Variants in ATP6V1E1 observed in about 807,000 individuals in gnomAD.
The protein encoded by ATP6V1E1 is V-type proton ATPase subunit E 1.
A neutral mutation model predicts 35.2 loss-of-function variants in ATP6V1E1; 21 were observed. The ratio of observed to expected loss-of-function variants is 0.60; its 90% CI spans 0.42 to 0.86. The LOEUF (loss-of-function observed/expected upper bound fraction) is 0.86. ATP6V1E1 is among the 40% of genes least tolerant of loss of function. The probability of loss-of-function intolerance (pLI) is 0.00; values close to 1 mark genes in which losing one functional copy is unlikely to be tolerated. For synonymous variants in ATP6V1E1, 83 were observed against 87.8 expected, an observed-to-expected ratio of 0.95 and a Z score of 0.30; for missense variants, 183 against 272.6, an observed-to-expected ratio of 0.67 and a Z score of 2.32.
At chr22:17,604,953 C>T (rs906811223) in intron 4 of ATP6V1E1, among the ~76,000 whole-genome samples, 6 of 152,050 alleles carry the variant, frequency 3.9e-5, no homozygotes, top group African/African-American at 1.4e-4. Context: ...CGGTTGCTCA[C>T]GCCTGTAATC....
At chr22:17,618,089 C>T (rs1359179364) in intron 2 of ATP6V1E1, among the ~76,000 whole-genome samples, 4 of 152,138 alleles carry the variant, frequency 2.6e-5, no homozygotes, top group South Asian at 2.1e-4. Flanking sequence ...GGATTACAGG[C>T]GTGAGCCACC....
intron 2 of ATP6V1E1, among the ~76,000 whole-genome samples, chr22:17,617,101 A>G (rs1397700015): frequency 6.6e-6 from 1 of 152,146 alleles, no homozygotes; most frequent in Non-Finnish European, 1.5e-5. Flanking sequence ...AAACAATATT[A>G]AGCAATATCC....
chr22:17,600,374 T>C (rs1465487042), intron 5 of ATP6V1E1, among the ~76,000 whole-genome samples: 2 of 151,814 alleles, frequency 1.3e-5, no homozygotes, highest in Non-Finnish European at 1.5e-5. Flanking sequence ...GAGACGGAGG[T>C]TGAAGTAAAC....
At chr22:17,621,765 T>C (rs1364212420) in intron 1 of ATP6V1E1, among the ~76,000 whole-genome samples, 9 of 152,172 alleles carry the variant, frequency 5.9e-5, no homozygotes, top group Non-Finnish European at 1.5e-5. Context: ...CATTCTTCCT[T>C]CTAACTTTTT....
At position 17,592,920 on chromosome 22, in the gene ATP6V1E1, T is replaced by C. The variant is rs144179905; in HGVS notation, c.619-184A>G. Among the ~76,000 whole-genome samples the C allele has an allele frequency of 0.052, 7,856 of 151,706 alleles. 678 individuals carry two copies. Among genetic ancestry groups the C allele is most frequent in the African/African-American group, 0.18 (7,459 of 41,294 alleles). Reference sequence around the variant, plus strand: ...CTCCTGCCTCAGCCTCCCAAGTAGATGGGACTACAGGTGCTTGCCACCATG... The same window carrying C: ...CTCCTGCCTCAGCCTCCCAAGTAGACGGGACTACAGGTGCTTGCCACCATG... On this transcript the variant is annotated intron_variant, in intron 8 of 8. Transcript: ENST00000253413.
chr22:17,596,811 GAAAC>G lies in ATP6V1E1; in HGVS notation c.530+1379_530+1382del, dbSNP rs993248450. 3.4e-4 allele frequency among the ~76,000 whole-genome samples: 51 copies of G among 151,814 alleles called. 1 individual carries two copies. The highest frequency in any genetic ancestry group is 1.1e-3 in the African/African-American group (47 of 41,248). On this transcript the variant is annotated intron_variant, in intron 7 of 8. Transcript: ENST00000253413. ...TCTCATCTTTTTTTCTTCACTGCAT[GAAAC>G]AAAAAAGCAAAAAGCAATGATCCTA...
At position 17,600,112 on chromosome 22, in the gene ATP6V1E1, A is replaced by G; in HGVS notation, c.367-17T>C. 4 of 1,607,882 alleles carry G rather than the reference A, an allele frequency of 2.5e-6. No individual in the cohort carries two copies. The highest frequency in any genetic ancestry group is 1.1e-5 in the South Asian group (1 of 90,930). The stretch of plus-strand genomic sequence containing the variant: ...GTACAAACCCTGGAAGAAATAGTAG[A>G]TACAGTCAGTAGAAAATGCAAACTA... On this transcript the variant is annotated splice_polypyrimidine_tract_variant and intron_variant, in intron 5 of 8. Coordinates refer to ENST00000253413, the MANE Select transcript of ATP6V1E1 (RefSeq NM_001696.4).
chr22:17,598,170 G>A, intron 7 of ATP6V1E1, 24 bp downstream of exon 7: 1 of 1,571,430 alleles, frequency 6.4e-7, no homozygotes, highest in South Asian at 1.1e-5. Flanking sequence ...GAAGGTAGCT[G>A]TTAGCAGCAG....
chr22:17,613,335 G>T lies in ATP6V1E1; in HGVS notation c.100-15C>A. On this transcript the variant is annotated splice_polypyrimidine_tract_variant and intron_variant, in intron 2 of 8. Transcript: ENST00000253413. ...TCTTCTTCTGCCTAGAGGGAAATTA[G>T]TCAATATTAATTCATTACATCAAGT... The T allele has an allele frequency of 1.2e-6, 2 of 1,600,460 alleles. No homozygotes were observed. The highest frequency in any genetic ancestry group is 1.7e-6 in the Non-Finnish European group (2 of 1,168,108).
At chr22:17,600,208 G>T in intron 5 of ATP6V1E1, 113 bp from the exon 6 acceptor site, 1 of 912,072 alleles carries the variant, frequency 1.1e-6, no homozygotes, top group Non-Finnish European at 1.7e-6. Flanking sequence ...GCCAAGGCGG[G>T]CGGATTGCCT....
Position 17,613,974 on chromosome 22 carries a change from A to T in ATP6V1E1, c.100-654T>A, listed in dbSNP as rs549701332. Among the ~76,000 whole-genome samples the T allele has an allele frequency of 6.0e-5, 9 of 151,246 alleles. No homozygotes were observed. In the South Asian group the frequency reaches 1.5e-3, roughly 25 times the overall value. On this transcript the variant is annotated intron_variant, in intron 2 of 8. Coordinates refer to ENST00000253413, the MANE Select transcript of ATP6V1E1 (RefSeq NM_001696.4). Reference sequence around the variant, plus strand: ...AGAGCAGAACTCTGTCTCAAAAAAAAACAAAGATCCAGATTACTGCCCATA... The same window carrying T: ...AGAGCAGAACTCTGTCTCAAAAAAATACAAAGATCCAGATTACTGCCCATA...
At position 17,592,470 on chromosome 22, in the gene ATP6V1E1, G is replaced by A. The variant is rs1350403307; in HGVS notation, c.*204C>T. On this transcript the variant is annotated 3_prime_UTR_variant, in exon 9 of 9. Coordinates refer to ENST00000253413, the MANE Select transcript of ATP6V1E1 (RefSeq NM_001696.4). ...TGTCACACTTTCAGAAGAACTGGAG[G>A]TGGGTCCTGATCATATTACATGAAG... 3.4e-6 allele frequency: 2 copies of A among 579,766 alleles called. No homozygotes were observed. Among genetic ancestry groups the A allele is most frequent in the African/African-American group, 1.9e-5 (1 of 53,234 alleles). The allele number at this position is 579,766 out of a possible 1,614,324, so 35.9% of individuals were successfully genotyped here.
At position 17,601,003 on chromosome 22, in the gene ATP6V1E1, G is replaced by C; in HGVS notation, c.366+89C>G. On this transcript the variant is annotated intron_variant, in intron 5 of 8. Coordinates refer to ENST00000253413, the MANE Select transcript of ATP6V1E1 (RefSeq NM_001696.4). ...GGAAAAAAACTAGAGAAATGAGAAA[G>C]CAGGAAAAAATAGAGCTGGTCTCTA... The C allele has an allele frequency of 8.4e-6, 9 of 1,072,668 alleles. No individual in the cohort carries two copies. The South Asian group carries it at 1.4e-4, about 17-fold the overall frequency. 66.4% of individuals were successfully genotyped at this position (1,072,668 alleles called of 1,614,324 possible). A position where few individuals can be genotyped will look rare whatever the true frequency, so the allele number is the denominator to read the frequency against.
At chr22:17,618,246 TC>T (rs773266860) in intron 2 of ATP6V1E1, among the ~76,000 whole-genome samples, 1 of 152,334 alleles carries the variant, frequency 6.6e-6, no homozygotes, top group South Asian at 2.1e-4. Context: ...AGAAAATGAA[TC>T]ATACATTACT....
upstream of ATP6V1E1, chr22:17,628,790 A>G (rs5746448): frequency 3.2e-5 from 31 of 970,940 alleles, no homozygotes; most frequent in Non-Finnish European, 4.6e-5. Context: ...TGCACAGTTC[A>G]TCCTCATGAC....
In ATP6V1E1 at chr22:17,628,712, G is replaced by A. The variant is rs780269490; in HGVS notation, c.-77C>T. On this transcript the variant is annotated 5_prime_UTR_variant, in exon 1 of 9. Transcript: ENST00000253413. ...AGGTGAGGTGAGAGAAATCGGCAAA[G>A]GGAACCCCTGCGCAGATCTCGGGTT... 16 of 1,589,526 alleles carry A rather than the reference G, an allele frequency of 1.0e-5. No individual in the cohort carries two copies. The African/African-American group carries it at 1.2e-4, about 12-fold the overall frequency.
chr22:17,594,586 A>G lies in ATP6V1E1; in HGVS notation c.561T>C (p.Asp187=). ...IAGGVEIYNG[D]RKIKVSNTLE... is the part of the protein sequence containing the mutation. The stretch of plus-strand genomic sequence containing the variant: ...GGGTGTTGGAAACCTTTATTTTACG[A>G]TCTCCATTATAGATCTCAACTCCAC... The change falls in exon 8 of 9, where the codon GAT becomes GAC. Residue 187 remains aspartate (D), a synonymous_variant. Coordinates refer to ENST00000253413, the MANE Select transcript of ATP6V1E1 (RefSeq NM_001696.4). 11 of 1,594,096 alleles carry G rather than the reference A, an allele frequency of 6.9e-6. No homozygotes were observed. Among genetic ancestry groups the G allele is most frequent in the East Asian group, 2.2e-5 (1 of 44,558 alleles).
chr22:17,610,851 G>C (rs2057812116), intron 4 of ATP6V1E1, among the ~76,000 whole-genome samples: 1 of 152,162 alleles, frequency 6.6e-6, no homozygotes, highest in African/African-American at 2.4e-5. Context: ...GACGGAGATG[G>C]GGTTGGAGAA....
intron 5 of ATP6V1E1, chr22:17,600,806 G>C: frequency 4.6e-6 from 1 of 218,046 alleles, no homozygotes; most frequent in Non-Finnish European, 9.0e-6. Flanking sequence ...GGAATTTAAA[G>C]CTAGCCATTG....
Sources: allele counts gnomAD v4.1 joint callset (sites outside exome capture counted in the v4.1 genomes callset), GRCh38; gene constraint gnomAD v4.1.1; transcripts MANE v1.5; gene names NCBI Gene and HGNC (gene_info 2026-07-23, HGNC 2026-07-21).